ADAM12: variants seen among roughly 807,000 people sequenced by gnomAD.
ADAM12 encodes the protein disintegrin and metalloproteinase domain-containing protein 12.
Under a neutral mutation model 106.4 loss-of-function variants are expected in ADAM12, and 70 were observed. The ratio of observed to expected loss-of-function variants is 0.66; its 90% CI spans 0.54 to 0.80. The LOEUF (loss-of-function observed/expected upper bound fraction) is 0.80. Among genes scored for constraint, ADAM12 ranks in the 30% least tolerant of loss-of-function variants. The pLI is 0.00. For synonymous variants in ADAM12, 420 were observed against 433.5 expected (o/e 0.97, Z 0.39); for missense variants, 1,010 against 1,171.9 (o/e 0.86, Z 2.02).
chr10:126,046,137 A>G lies in ADAM12; in HGVS notation c.1918-5T>C. The G allele has an allele frequency of 6.2e-7, 1 of 1,613,146 alleles. No individual in the cohort carries two copies. Among genetic ancestry groups the G allele is most frequent in the South Asian group, 1.1e-5 (1 of 91,062 alleles). ...ACATTGACGATTCAGGCAGATCTGT[A>G]GGAGGAGGAAAACACAGCAAATCTC... On this transcript the variant is annotated splice_polypyrimidine_tract_variant and splice_region_variant and intron_variant, in intron 16 of 22. Transcript: ENST00000448723.
intron 3 of ADAM12, among the ~76,000 whole-genome samples, chr10:126,247,014 T>C (rs780497502): frequency 1.3e-5 from 2 of 152,240 alleles, no homozygotes; most frequent in Non-Finnish European, 1.5e-5. Context: ...AAAAGTTGCT[T>C]AAACTTTTAT....
chr10:126,163,801 A>C (rs1461945505), intron 3 of ADAM12, among the ~76,000 whole-genome samples: 1 of 152,244 alleles, frequency 6.6e-6, no homozygotes, highest in Non-Finnish European at 1.5e-5. Flanking sequence ...GCTAAAAAGC[A>C]GAAACAACAC....
intron 11 of ADAM12, among the ~76,000 whole-genome samples, chr10:126,082,195 G>T (rs774276980): frequency 1.3e-5 from 2 of 152,032 alleles, no homozygotes; most frequent in Non-Finnish European, 2.9e-5. Flanking sequence ...GTTGTCTTCT[G>T]TTCCTGAAAG....
intron 5 of ADAM12, among the ~76,000 whole-genome samples, chr10:126,118,434 T>C (rs539549627): frequency 3.3e-5 from 5 of 152,360 alleles, no homozygotes; most frequent in Admixed American, 1.3e-4. Context: ...AGGAATTTTC[T>C]TCTGTTTGAA....
intron 3 of ADAM12, among the ~76,000 whole-genome samples, chr10:126,231,910 C>T (rs571496381): frequency 3.3e-5 from 5 of 151,166 alleles, no homozygotes; most frequent in South Asian, 4.2e-4. Context: ...TCTTTTGATC[C>T]CCAACTGTTC....
At chr10:126,242,586 G>A (rs890790134) in intron 3 of ADAM12, among the ~76,000 whole-genome samples, 1 of 152,178 alleles carries the variant, frequency 6.6e-6, no homozygotes, top group Non-Finnish European at 1.5e-5. Flanking sequence ...CTCCTGGCCC[G>A]TCCACAGTGG....
chr10:126,327,643 C>T (rs1226357982), intron 2 of ADAM12, among the ~76,000 whole-genome samples: 5 of 148,250 alleles, frequency 3.4e-5, no homozygotes, highest in African/African-American at 5.0e-5. Flanking sequence ...AATAATAATA[C>T]GAAGAAATCA....
At chr10:126,278,047 C>T (rs1959358437) in intron 3 of ADAM12, among the ~76,000 whole-genome samples, 1 of 152,096 alleles carries the variant, frequency 6.6e-6, no homozygotes, top group Non-Finnish European at 1.5e-5. Flanking sequence ...GGGCCTGCGA[C>T]CTCTACTCTT....
At chr10:126,147,652 C>T (rs990346026) in intron 4 of ADAM12, among the ~76,000 whole-genome samples, 3 of 152,202 alleles carry the variant, frequency 2.0e-5, no homozygotes, top group Non-Finnish European at 4.4e-5. Flanking sequence ...GCTGTTGGTT[C>T]AAATGTTCCT....
intron 3 of ADAM12, among the ~76,000 whole-genome samples, chr10:126,254,771 C>A (rs995142014): frequency 6.6e-6 from 1 of 152,176 alleles, no homozygotes; most frequent in African/African-American, 2.4e-5. Context: ...CTGGGGAGGC[C>A]CCTCTGTTTT....
intron 3 of ADAM12, among the ~76,000 whole-genome samples, chr10:126,171,417 T>A (rs1429719456): frequency 6.6e-6 from 1 of 152,204 alleles, no homozygotes; most frequent in Non-Finnish European, 1.5e-5. Flanking sequence ...TCATATTTGA[T>A]TGAAGCAGTA....
chr10:126,019,899 G>A (rs35835884), intron 21 of ADAM12, 74 bp from the exon 22 acceptor site: 582,240 of 1,479,098 alleles, frequency 0.39, 116,680 homozygotes, highest in South Asian at 0.45. Flanking sequence ...AGGGCCTGCC[G>A]CTTGGCACAG....
intron 10 of ADAM12, among the ~76,000 whole-genome samples, chr10:126,095,533 CAAAAAAAAAAAAAA>C (rs11396229): frequency 4.3e-5 from 2 of 46,576 alleles, no homozygotes; most frequent in Admixed American, 6.2e-4. Flanking sequence ...GACTCTGTCT[CAAAAAAAAAAAAAA>C]AAAAAAAAAA....
At chr10:126,373,038 C>A (rs573905050) in intron 1 of ADAM12, among the ~76,000 whole-genome samples, 1 of 152,118 alleles carries the variant, frequency 6.6e-6, no homozygotes, top group Admixed American at 6.5e-5. Context: ...GCAAATCAGG[C>A]GTCTGATTTT....
chr10:126,077,412 C>T (rs768115840), intron 11 of ADAM12, among the ~76,000 whole-genome samples: 20 of 152,014 alleles, frequency 1.3e-4, no homozygotes, highest in Non-Finnish European at 2.6e-4. Context: ...TCATATGGAA[C>T]CAAAAAGGAG....
At chr10:126,075,652 C>T (rs200820541) in intron 11 of ADAM12, among the ~76,000 whole-genome samples, 4 of 152,164 alleles carry the variant, frequency 2.6e-5, no homozygotes, top group African/African-American at 9.7e-5. Context: ...GAGCCCCTCA[C>T]CCGAAGGGAA....
In ADAM12 at chr10:126,016,088, CCTGCAGCCAAGT is replaced by C. The variant is rs975326388; in HGVS notation, c.*1179_*1190del. On this transcript the variant is annotated 3_prime_UTR_variant, in exon 23 of 23. Transcript: ENST00000448723. ...CTGTTAAAAGCATCTTTTAAAGATT[CCTGCAGCCAAGT>C]TGGAAAAAGAGGATGCCCCATAGAG... The C allele has an allele frequency of 3.3e-4, 50 of 152,236 alleles. No individual in the cohort carries two copies. The highest frequency in any genetic ancestry group is 1.2e-3 in the African/African-American group (48 of 41,552). The allele number at this position is 152,236 out of a possible 1,614,324, so 9.4% of individuals were successfully genotyped here.
intron 3 of ADAM12, among the ~76,000 whole-genome samples, chr10:126,253,340 G>A (rs12763965): frequency 6.6e-6 from 1 of 152,148 alleles, no homozygotes; most frequent in Non-Finnish European, 1.5e-5. Flanking sequence ...TTCATCAAAG[G>A]TTTTTCATCT....
rs369177486 is a variant in ADAM12 at position 126,041,039 on chromosome 10, C to T, written c.2105-1610G>A. On this transcript the variant is annotated intron_variant, in intron 18 of 22. Transcript: ENST00000448723. ...TCTCGGCTTCAGAATGCATGTTTCC[C>T]TCGCCCCCTTCAGACCTCAACAGAT... is the stretch of plus-strand genomic sequence containing the variant. Among the ~76,000 whole-genome samples the T allele has an allele frequency of 3.3e-5, 5 of 152,164 alleles. No homozygotes were observed. The South Asian group carries it at 8.3e-4, about 25-fold the overall frequency.
Sources: allele counts gnomAD v4.1 joint callset (sites outside exome capture counted in the v4.1 genomes callset), GRCh38; gene constraint gnomAD v4.1.1; transcripts MANE v1.5; gene names NCBI Gene and HGNC (gene_info 2026-07-23, HGNC 2026-07-21).